Variants in CDH18 observed in about 807,000 individuals in gnomAD.
CDH18 encodes the protein cadherin 18.
In CDH18, 31 loss-of-function variants were observed where a neutral mutation model predicts 67.9. The ratio of observed to expected loss-of-function variants is 0.46; its 90% CI spans 0.34 to 0.62. CDH18 has a LOEUF of 0.62. CDH18 is among the 20% of genes least tolerant of loss of function. The pLI, the probability that CDH18 is intolerant of heterozygous loss-of-function variation, is 0.01. For missense variants in CDH18, 890 were observed against 975.5 expected, an observed-to-expected ratio of 0.91 and a Z score of 1.17; for synonymous variants, 362 against 347.2, an observed-to-expected ratio of 1.04 and a Z score of -0.48.
At chr5:19,670,398 G>A (rs1473524713) in intron 5 of CDH18, among the ~76,000 whole-genome samples, 1 of 151,992 alleles carries the variant, frequency 6.6e-6, no homozygotes, top group Non-Finnish European at 1.5e-5. Flanking sequence ...CACAAATACT[G>A]GTTATAAATG....
At position 20,011,187 on chromosome 5, in the gene CDH18, T is replaced by C. The variant is rs112460496; in HGVS notation, c.-517-19173A>G. Among the ~76,000 whole-genome samples the C allele has an allele frequency of 5.5e-3, 842 of 152,312 alleles. 14 individuals carry two copies. Among genetic ancestry groups the C allele is most frequent in the African/African-American group, 0.019 (807 of 41,574 alleles). ...GATCTATTGCTTCCCTTGTTAACTGTATTCCTAGGTATATTATTCTATTTG... is the reference window on the plus strand; with the variant it reads ...GATCTATTGCTTCCCTTGTTAACTGCATTCCTAGGTATATTATTCTATTTG... On this transcript the variant is annotated intron_variant, in intron 2 of 14. Coordinates refer to the CDH18 transcript ENST00000507958.
In CDH18 at chr5:20,497,340, A is replaced by C. The variant is rs553405130; in HGVS notation, c.-580+78122T>G. On this transcript the variant is annotated intron_variant, in intron 1 of 14. Transcript: ENST00000507958. Reference sequence around the variant, plus strand: ...AACAATGATTCAGTCAACAACTAACAATGTGTGTGATTGTGGTCCCATAAG... The same window carrying C: ...AACAATGATTCAGTCAACAACTAACCATGTGTGTGATTGTGGTCCCATAAG... Among the ~76,000 whole-genome samples the C allele has an allele frequency of 4.6e-5, 7 of 152,306 alleles. No homozygotes were observed. In the South Asian group the frequency reaches 6.2e-4, roughly 14 times the overall value.
intron 1 of CDH18, among the ~76,000 whole-genome samples, chr5:20,521,808 T>TACAC (rs111371227): frequency 8.0e-5 from 12 of 149,986 alleles, no homozygotes; most frequent in African/African-American, 2.7e-4. Context: ...CACACACACA[T>TACAC]ACACACACAC....
chr5:20,031,738 T>C (rs1445371251), intron 2 of CDH18, among the ~76,000 whole-genome samples: 1 of 152,102 alleles, frequency 6.6e-6, no homozygotes, highest in Non-Finnish European at 1.5e-5. Context: ...AATAGAATAA[T>C]TATTTAAGGC....
At chr5:20,191,990 TC>T (rs1207543862) in intron 2 of CDH18, among the ~76,000 whole-genome samples, 1 of 152,092 alleles carries the variant, frequency 6.6e-6, no homozygotes, top group Non-Finnish European at 1.5e-5. Flanking sequence ...GTAAAAACGT[TC>T]CTATTTCTCC....
intron 10 of CDH18, among the ~76,000 whole-genome samples, chr5:19,518,706 A>C (rs1746418789): frequency 6.6e-6 from 1 of 152,120 alleles, no homozygotes; most frequent in African/African-American, 2.4e-5. Flanking sequence ...TCCTTTGGCC[A>C]CAGGCTGAAA....
Position 20,010,013 on chromosome 5 carries a change from C to CTTAT in CDH18, c.-517-18003_-517-18000dup, listed in dbSNP as rs1180368111. 4.6e-5 allele frequency among the ~76,000 whole-genome samples: 7 copies of CTTAT among 152,050 alleles called. No individual in the cohort carries two copies. The East Asian group carries it at 1.4e-3, about 30-fold the overall frequency. On this transcript the variant is annotated intron_variant, in intron 2 of 14. Transcript: ENST00000507958. ...TGAATATTAACTATGAGAGTATAAT[C>CTTAT]TTATTTATTTTCTTTCTTCTTCTTG...
chr5:19,513,262 C>T (rs1210074133), intron 10 of CDH18, among the ~76,000 whole-genome samples: 1 of 152,156 alleles, frequency 6.6e-6, no homozygotes, highest in East Asian at 1.9e-4. Context: ...CATGAGCCAC[C>T]AAGCCCAGCT....
chr5:19,580,237 C>T (rs1256148618), intron 7 of CDH18, among the ~76,000 whole-genome samples: 1 of 151,734 alleles, frequency 6.6e-6, no homozygotes, highest in Non-Finnish European at 1.5e-5. Context: ...TATCCAAAGT[C>T]CACACATGTT....
intron 5 of CDH18, among the ~76,000 whole-genome samples, chr5:19,711,968 T>A (rs1298927789): frequency 6.6e-6 from 1 of 152,152 alleles, no homozygotes; most frequent in Non-Finnish European, 1.5e-5. Flanking sequence ...TGTGGAATAT[T>A]ACTCAGCAAT....
chr5:20,454,945 C>G (rs905663695), intron 1 of CDH18, among the ~76,000 whole-genome samples: 3 of 151,878 alleles, frequency 2.0e-5, no homozygotes, highest in African/African-American at 7.3e-5. Flanking sequence ...GGTAAGTATC[C>G]TAGGAAAAGA....
chr5:19,553,046 T>G (rs1165016475), intron 8 of CDH18, among the ~76,000 whole-genome samples: 3 of 152,148 alleles, frequency 2.0e-5, no homozygotes, highest in African/African-American at 7.2e-5. Context: ...GACAGAAAAT[T>G]TATGACCATA....
chr5:20,361,137 A>T (rs1454168265), intron 1 of CDH18, among the ~76,000 whole-genome samples: 1 of 152,014 alleles, frequency 6.6e-6, no homozygotes, highest in Non-Finnish European at 1.5e-5. Flanking sequence ...AATTTAGATT[A>T]AAAATTGTTC....
At chr5:19,748,403 C>G (rs1770413904) in intron 3 of CDH18, among the ~76,000 whole-genome samples, 1 of 151,970 alleles carries the variant, frequency 6.6e-6, no homozygotes, top group Non-Finnish European at 1.5e-5. Flanking sequence ...ATTTAAACTG[C>G]ATATAGTTTT....
At chr5:19,659,090 A>G (rs1047617574) in intron 5 of CDH18, among the ~76,000 whole-genome samples, 1 of 152,190 alleles carries the variant, frequency 6.6e-6, no homozygotes, top group Non-Finnish European at 1.5e-5. Flanking sequence ...ATAGGTGGGA[A>G]TTGAACAATG....
chr5:20,305,210 C>T (rs1296862262), intron 1 of CDH18: 5 of 1,393,122 alleles, frequency 3.6e-6, no homozygotes, highest in Non-Finnish European at 4.1e-6. Context: ...AAAGGCTTCC[C>T]TCCAGCACCA....
intron 6 of CDH18, among the ~76,000 whole-genome samples, chr5:19,604,533 ACACACACACAC>A (rs1212622264): frequency 1.1e-4 from 1 of 8,732 alleles, no homozygotes; most frequent in Admixed American, 3.1e-3. Flanking sequence ...AAATTAAAAC[ACACACACACAC>A]ACACACACAC....
At chr5:20,020,154 G>A (rs190102785) in intron 2 of CDH18, among the ~76,000 whole-genome samples, 3 of 152,232 alleles carry the variant, frequency 2.0e-5, no homozygotes, top group East Asian at 1.9e-4. Context: ...TTCAAGAAGT[G>A]GCCTGGCTGC....
At chr5:20,379,799 A>T (rs1016332099) in intron 1 of CDH18, among the ~76,000 whole-genome samples, 1 of 146,544 alleles carries the variant, frequency 6.8e-6, no homozygotes, top group Non-Finnish European at 1.5e-5. Flanking sequence ...ATATGAAAAA[A>T]AAACATTAAA....
Sources: gnomAD v4.1 joint callset for allele counts (sites outside exome capture counted in the v4.1 genomes callset) on GRCh38, gnomAD v4.1.1 for gene constraint, MANE v1.5 for transcripts, NCBI Gene and HGNC (gene_info 2026-07-23, HGNC 2026-07-21) for gene names.